ALDH3B2: variants seen among roughly 807,000 people sequenced by gnomAD.
ALDH3B2 encodes aldehyde dehydrogenase 3 family member B2.
ALDH3B2 carries 45 observed loss-of-function variants against 36.7 expected under a neutral mutation model. The observed-to-expected ratio is 1.23, with a 90% CI of 0.97 to 1.57. ALDH3B2 has a LOEUF of 1.57. Ranked by LOEUF, ALDH3B2 falls within the 40% of genes most tolerant of loss-of-function variation. The pLI is 0.00. For missense variants in ALDH3B2, 464 were observed against 513.3 expected (o/e 0.90, Z 0.93); for synonymous variants, 217 against 226.5 (o/e 0.96, Z 0.38).
At chr11:67,664,334 A>C (rs759378910) in intron 8 of ALDH3B2, 62 bp downstream of exon 8, 2 of 1,607,562 alleles carry the variant, frequency 1.2e-6, no homozygotes, top group Non-Finnish European at 1.7e-6. Flanking sequence ...CTGTGAAAGG[A>C]AAGGTGCCAG....
At position 67,666,090 on chromosome 11, in the gene ALDH3B2, C is replaced by T. The variant is rs769336178; in HGVS notation, c.319+32G>A. 1.9e-6 allele frequency: 3 copies of T among 1,610,228 alleles called. No individual in the cohort carries two copies. In the Admixed American group the frequency reaches 5.0e-5, roughly 27 times the overall value. On this transcript the variant is annotated intron_variant, in intron 6 of 9. Coordinates refer to ENST00000349015, the Ensembl canonical transcript of ALDH3B2. ...CCCTCTCTCCTGATGATCCCCTCCA[C>T]CTACTCTGGGACCCTGGCCTGGCCC...
chr11:67,680,701 G>C (rs1216895779), intron 1 of ALDH3B2, among the ~76,000 whole-genome samples: 1 of 152,184 alleles, frequency 6.6e-6, no homozygotes, highest in African/African-American at 2.4e-5. Flanking sequence ...ACAGATGTGA[G>C]CCACCGCACC....
intron 1 of ALDH3B2, among the ~76,000 whole-genome samples, chr11:67,672,148 A>ATATATGT (rs1277456067): frequency 1.0e-5 from 1 of 96,156 alleles, no homozygotes; most frequent in African/African-American, 4.8e-5. Flanking sequence ...ATATATATGT[A>ATATATGT]TTTTTTTTTT....
In ALDH3B2 at chr11:67,666,972, G is replaced by A. The variant is rs371504590; in HGVS notation, c.-37C>T. 1.2e-4 allele frequency: 195 copies of A among 1,613,192 alleles called. 1 individual carries two copies. Among genetic ancestry groups the A allele is most frequent in the Middle Eastern group, 4.9e-4 (3 of 6,082 alleles). The stretch of plus-strand genomic sequence containing the variant: ...GGTTCTTGAGAGCGTAGTCAACCTC[G>A]TTCTGGCAAAGGATGAGCTCAGATA... On this transcript the variant is annotated 5_prime_UTR_variant, in exon 3 of 10. The change creates a new upstream start codon in the 5' untranslated region. Coordinates refer to ENST00000349015, the Ensembl canonical transcript of ALDH3B2.
rs1203075157 is a variant in ALDH3B2, at chr11:67,668,472, G to A, written c.-244-837C>T. ...AGAGGATTGCCAGGCACCTAGCAAC[G>A]GGATTCTGAGCATCCCAGCCCAGGG... On this transcript the variant is annotated intron_variant, in intron 1 of 9. Coordinates refer to ENST00000349015, the Ensembl canonical transcript of ALDH3B2. Among the ~76,000 whole-genome samples the A allele has an allele frequency of 2.6e-5, 4 of 152,172 alleles. No individual in the cohort carries two copies. The South Asian group carries it at 6.2e-4, about 24-fold the overall frequency.
chr11:67,669,194 G>A (rs1236741535), intron 1 of ALDH3B2, among the ~76,000 whole-genome samples: 1 of 149,962 alleles, frequency 6.7e-6, no homozygotes, highest in Non-Finnish European at 1.5e-5. Context: ...CTATGTGTGT[G>A]TCTGTGTCTT....
chr11:67,669,293 T>C (rs1391715082), intron 1 of ALDH3B2, among the ~76,000 whole-genome samples: 1 of 151,328 alleles, frequency 6.6e-6, no homozygotes, highest in African/African-American at 2.4e-5. Context: ...TGTGTATGGA[T>C]GTCTGTGTGT....
intron 2 of ALDH3B2, 114 bp from the exon 3 acceptor site, chr11:67,667,130 C>A (rs966913901): frequency 1.6e-6 from 1 of 630,528 alleles, no homozygotes; most frequent in African/African-American, 1.8e-5. Context: ...AAATACAGCT[C>A]CTATGGGAGG....
chr11:67,668,175 T>C (rs1855972880), intron 1 of ALDH3B2, among the ~76,000 whole-genome samples: 1 of 152,162 alleles, frequency 6.6e-6, no homozygotes, highest in Non-Finnish European at 1.5e-5. Context: ...GCCATAGGCA[T>C]GCCCTAGCCC....
At chr11:67,672,101 TTTG>T (rs1565250130) in intron 1 of ALDH3B2, among the ~76,000 whole-genome samples, 8 of 18,684 alleles carry the variant, frequency 4.3e-4, no homozygotes, top group African/African-American at 8.7e-4. Flanking sequence ...ATGTATGTAT[TTTG>T]TGTGTGTGTG....
exon 7 of ALDH3B2, chr11:67,665,665 G>A (rs1855887823): frequency 6.2e-7 from 1 of 1,604,618 alleles, no homozygotes; most frequent in Non-Finnish European, 8.5e-7. Flanking sequence ...GCCCACACGA[G>A]GGCTCCCTGG....
chr11:67,666,661 C>T, exon 4 of ALDH3B2: 5 of 1,614,150 alleles, frequency 3.1e-6, no homozygotes, highest in Middle Eastern at 1.6e-4. Flanking sequence ...CCAAAGGGTT[C>T]CTTCCAGATG....
At chr11:67,675,685 T>A (rs1435429545), upstream of ALDH3B2, among the ~76,000 whole-genome samples, 1 of 152,140 alleles carries the variant, frequency 6.6e-6, no homozygotes, top group Non-Finnish European at 1.5e-5. Flanking sequence ...TAAATGCCAA[T>A]GTGACACCAG....
At chr11:67,680,632 G>C (rs1308557443) in intron 1 of ALDH3B2, among the ~76,000 whole-genome samples, 3 of 152,010 alleles carry the variant, frequency 2.0e-5, no homozygotes, top group African/African-American at 7.2e-5. Flanking sequence ...GCCAAGGCTG[G>C]TCTCAAACTC....
exon 10 of ALDH3B2, chr11:67,662,783 TG>T: frequency 5.3e-6 from 1 of 189,660 alleles, no homozygotes; most frequent in Non-Finnish European, 1.1e-5. Context: ...GCAGTTGGGA[TG>T]GGGCAGAGAT....
Position 67,667,458 on chromosome 11 carries a change from C to T in ALDH3B2, c.-82+15G>A. ...CTGCTCCAGCCCCTGCCGGGGCCCA[C>T]TCTCCACGGCCCACCTTATGCAGGT... is the stretch of plus-strand genomic sequence containing the variant. On this transcript the variant is annotated intron_variant, in intron 2 of 9. Transcript: ENST00000349015. 1 of 372,158 alleles carries T rather than the reference C, an allele frequency of 2.7e-6. No individual in the cohort carries two copies. Among genetic ancestry groups the T allele is most frequent in the Non-Finnish European group, 5.0e-6 (1 of 200,050 alleles). 23.1% of individuals were successfully genotyped at this position (372,158 alleles called of 1,614,324 possible). A position where few individuals can be genotyped will look rare whatever the true frequency, so the allele number is the denominator to read the frequency against.
At chr11:67,667,558 C>A in exon 2 of ALDH3B2, 1 of 383,168 alleles carries the variant, frequency 2.6e-6, no homozygotes, top group South Asian at 8.7e-5. Flanking sequence ...CTGCGCAGCC[C>A]GGAACTCGGC....
chr11:67,665,268 A>G lies in ALDH3B2; in HGVS notation c.706+17T>C. On this transcript the variant is annotated intron_variant, in intron 7 of 9. Transcript: ENST00000349015. ...GGTCTTGGCCCAGGTGGGCTGCGGT[A>G]GGGCAGCAGGACTCACCGATGTAGC... The G allele has an allele frequency of 6.3e-7, 1 of 1,583,010 alleles. No individual in the cohort carries two copies. The highest frequency in any genetic ancestry group is 8.6e-7 in the Non-Finnish European group (1 of 1,163,046).
intron 9 of ALDH3B2, 80 bp downstream of exon 9, chr11:67,663,582 G>C (rs552303161): frequency 2.2e-5 from 32 of 1,439,834 alleles, no homozygotes; most frequent in Non-Finnish European, 3.0e-5. Flanking sequence ...GATCAAGGTT[G>C]AACAGTGAGT....
Sources: gnomAD v4.1 joint callset for allele counts (sites outside exome capture counted in the v4.1 genomes callset) on GRCh38, gnomAD v4.1.1 for gene constraint, MANE v1.5 for transcripts, NCBI Gene and HGNC (gene_info 2026-07-23, HGNC 2026-07-21) for gene names.